PLA2G12A: variants seen among roughly 807,000 people sequenced by gnomAD.
The protein encoded by PLA2G12A is phospholipase A2 group XIIA, also known as group XIIA secretory phospholipase A2.
In PLA2G12A, 11 loss-of-function variants were observed where a neutral mutation model predicts 16.0. That is an observed-to-expected ratio of 0.69 (90% CI 0.43 to 1.13). The LOEUF (loss-of-function observed/expected upper bound fraction) is 1.13. Ranked by LOEUF, PLA2G12A falls within the 50% of genes most tolerant of loss-of-function variation. The pLI is 0.00. For missense variants in PLA2G12A, 214 were observed against 237.3 expected, an observed-to-expected ratio of 0.90 and a Z score of 0.65; for synonymous variants, 77 against 93.8, an observed-to-expected ratio of 0.82 and a Z score of 1.03.
At chr4:109,722,755 C>T (rs1355893199) in intron 1 of PLA2G12A, among the ~76,000 whole-genome samples, 1 of 152,210 alleles carries the variant, frequency 6.6e-6, no homozygotes, top group Admixed American at 6.5e-5. Flanking sequence ...GCACATATGA[C>T]CTTCTAACAT....
rs376897037 is a variant in PLA2G12A at position 109,714,366 on chromosome 4, C to T, written c.*11G>A. The T allele has an allele frequency of 3.0e-5, 46 of 1,534,842 alleles. No individual in the cohort carries two copies. The highest frequency in any genetic ancestry group is 3.7e-5 in the Non-Finnish European group (41 of 1,107,976). On this transcript the variant is annotated 3_prime_UTR_variant, in exon 4 of 4. Coordinates refer to ENST00000243501, the MANE Select transcript of PLA2G12A (RefSeq NM_030821.5). Reference sequence around the variant, plus strand: ...TCCATCTTCATCTGTCACTAGCTGTCGGCATCTCCTTTAAAGATCAGTTTT... The same window carrying T: ...TCCATCTTCATCTGTCACTAGCTGTTGGCATCTCCTTTAAAGATCAGTTTT...
intron 3 of PLA2G12A, among the ~76,000 whole-genome samples, chr4:109,716,705 T>C (rs1730834501): frequency 1.3e-5 from 2 of 152,176 alleles, no homozygotes; most frequent in East Asian, 3.8e-4. Context: ...CTCTTCACCA[T>C]AATACCTCAT....
Position 109,712,398 on chromosome 4 carries a change from G to A in PLA2G12A, c.*1979C>T, listed in dbSNP as rs545514089. ...GTGATCACGAATTATATTTTATAAC[G>A]ATATTGAGTTTGTCCTTTTGAGAAA... is the stretch of plus-strand genomic sequence containing the variant. On this transcript the variant is annotated 3_prime_UTR_variant, in exon 4 of 4. Coordinates refer to ENST00000243501, the MANE Select transcript of PLA2G12A (RefSeq NM_030821.5). The A allele has an allele frequency of 4.4e-4, 67 of 151,926 alleles. 1 individual carries two copies. The highest frequency in any genetic ancestry group is 1.5e-3 in the African/African-American group (63 of 41,410). 9.4% of individuals were successfully genotyped at this position (151,926 alleles called of 1,614,324 possible).
At chr4:109,728,986 TAA>T (rs1722990203) in intron 1 of PLA2G12A, among the ~76,000 whole-genome samples, 1 of 151,986 alleles carries the variant, frequency 6.6e-6, no homozygotes, top group South Asian at 2.1e-4. Flanking sequence ...CAAAAAATAT[TAA>T]AAGAGTAAAT....
intron 3 of PLA2G12A, 69 bp from the exon 4 acceptor site, chr4:109,714,564 C>A (rs1321777095): frequency 2.0e-6 from 2 of 999,904 alleles, no homozygotes; most frequent in Non-Finnish European, 3.2e-6. Flanking sequence ...TTACACATTA[C>A]AGCACAGCAA....
chr4:109,726,760 A>G (rs1722948614), intron 1 of PLA2G12A, among the ~76,000 whole-genome samples: 1 of 152,186 alleles, frequency 6.6e-6, no homozygotes, highest in Non-Finnish European at 1.5e-5. Flanking sequence ...GAAGAAAATA[A>G]CGGATCATCA....
At position 109,719,558 on chromosome 4, in the gene PLA2G12A, G is replaced by A. The variant is rs118033831; in HGVS notation, c.209-799C>T. Among the ~76,000 whole-genome samples the A allele has an allele frequency of 8.8e-3, 1,344 of 152,194 alleles. 52 individuals are homozygous for A. Among genetic ancestry groups the A allele is most frequent in the East Asian group, 0.084 (433 of 5,182 alleles). On this transcript the variant is annotated intron_variant, in intron 1 of 3. Transcript: ENST00000243501. ...TATCATAGCAATCTTAAATTTTGGA[G>A]GGTACTTCAGAAACACCTCACCTCA...
At chr4:109,727,711 G>A (rs1208853561) in intron 1 of PLA2G12A, among the ~76,000 whole-genome samples, 16 of 152,134 alleles carry the variant, frequency 1.1e-4, no homozygotes. Flanking sequence ...TGAGGCAGGA[G>A]AATTGCTTGA....
chr4:109,711,067 T>TG lies in PLA2G12A; in HGVS notation c.*3309_*3310insC, dbSNP rs1200436269. On this transcript the variant is annotated 3_prime_UTR_variant, in exon 4 of 4. Transcript: ENST00000243501. ...TTAGTTCTTGCCTTTTTTTTTTTTT[T>TG]TTTTTTTTTGCTCTTTTAATGAGTT... is the stretch of plus-strand genomic sequence containing the variant. 6.7e-6 allele frequency: 1 copy of TG among 149,692 alleles called. No individual in the cohort carries two copies. The highest frequency in any genetic ancestry group is 1.9e-4 in the East Asian group (1 of 5,162). The allele number at this position is 149,692 out of a possible 1,614,324, so 9.3% of individuals were successfully genotyped here.
In PLA2G12A at chr4:109,714,391, T is replaced by C; in HGVS notation, c.556A>G (p.Lys186Glu). 6.2e-7 allele frequency: 1 copy of C among 1,612,092 alleles called. No individual in the cohort carries two copies. The highest frequency in any genetic ancestry group is 2.2e-5 in the East Asian group (1 of 44,876). The change falls in exon 4 of 4, where the codon AAA becomes GAA. Residue 186 changes from lysine (K) to glutamate (E), a missense_variant. Lys to Glu is a moderately conservative substitution (Grantham distance 56). Coordinates refer to ENST00000243501, the MANE Select transcript of PLA2G12A (RefSeq NM_030821.5). ...CGGCATCTCCTTTAAAGATCAGTTT[T>C]TTCTTCATAATGACACCTGCATGCG... ...RAACRCHYEEKTDL is the reference protein window; with the variant it reads ...RAACRCHYEEETDL
intron 3 of PLA2G12A, among the ~76,000 whole-genome samples, chr4:109,715,821 T>TGAAAG (rs1561270477): frequency 1.3e-5 from 2 of 152,206 alleles, no homozygotes; most frequent in Admixed American, 6.5e-5. Flanking sequence ...AGGTAATTTA[T>TGAAAG]TTACTTTTCT....
chr4:109,725,873 C>T (rs1722925085), intron 1 of PLA2G12A, among the ~76,000 whole-genome samples: 1 of 152,184 alleles, frequency 6.6e-6, no homozygotes, highest in South Asian at 2.1e-4. Context: ...CCAACCTGCA[C>T]TCCCAAACAC....
At chr4:109,729,282 A>G (rs1302544915) in intron 1 of PLA2G12A, among the ~76,000 whole-genome samples, 3 of 149,230 alleles carry the variant, frequency 2.0e-5, no homozygotes, top group African/African-American at 7.3e-5. Flanking sequence ...CTCTATTCCC[A>G]TGATTCCTAC....
At position 109,714,214 on chromosome 4, in the gene PLA2G12A, C is replaced by T. The variant is rs553696289; in HGVS notation, c.*163G>A. ...CGTGCCCTCCCCTCACTATCTCCCTCACTTTTTTTGCTTTGAGGTTTTAAC... is the reference window on the plus strand; with the variant it reads ...CGTGCCCTCCCCTCACTATCTCCCTTACTTTTTTTGCTTTGAGGTTTTAAC... On this transcript the variant is annotated 3_prime_UTR_variant, in exon 4 of 4. Coordinates refer to ENST00000243501, the MANE Select transcript of PLA2G12A (RefSeq NM_030821.5). 195 of 647,046 alleles carry T rather than the reference C, an allele frequency of 3.0e-4. 4 individuals carry two copies. The South Asian group carries it at 3.6e-3, about 12-fold the overall frequency. 40.1% of individuals were successfully genotyped at this position (647,046 alleles called of 1,614,324 possible). A position where few individuals can be genotyped will look rare whatever the true frequency, so the allele number is the denominator to read the frequency against.
At position 109,729,677 on chromosome 4, in the gene PLA2G12A, T is replaced by C; in HGVS notation, c.133A>G (p.Ile45Val). ...LKTIRNGVHK[I>V]DTYLNAALDL... ...AAGGCGGCGTTCAGGTACGTGTCTA[T>C]CTTATGAACGCCGTTCCGGATGGTC... The change falls in exon 1 of 4, where the codon ATA (isoleucine) becomes GTA (valine). Residue 45 changes from isoleucine to valine, a missense_variant. Ile to Val is a conservative substitution (Grantham distance 29, BLOSUM62 3). Transcript: ENST00000243501. 3 of 1,611,780 alleles carry C rather than the reference T, an allele frequency of 1.9e-6. No homozygotes were observed. The highest frequency in any genetic ancestry group is 2.5e-6 in the Non-Finnish European group (3 of 1,179,778).
At chr4:109,722,284 T>G (rs1722798101) in intron 1 of PLA2G12A, among the ~76,000 whole-genome samples, 1 of 152,236 alleles carries the variant, frequency 6.6e-6, no homozygotes, top group Non-Finnish European at 1.5e-5. Context: ...CCAGGGCCTT[T>G]GAACCTGCTC....
chr4:109,724,969 T>C (rs565662037), intron 1 of PLA2G12A, among the ~76,000 whole-genome samples: 1 of 152,346 alleles, frequency 6.6e-6, no homozygotes, highest in East Asian at 1.9e-4. Context: ...TCTTTAGTTT[T>C]TTTCAAGGCA....
At position 109,714,175 on chromosome 4, in the gene PLA2G12A, C is replaced by T. The variant is rs1730786373; in HGVS notation, c.*202G>A. On this transcript the variant is annotated 3_prime_UTR_variant, in exon 4 of 4. Coordinates refer to ENST00000243501, the MANE Select transcript of PLA2G12A (RefSeq NM_030821.5). ...TAAGGGAGCAATGCTGGGGAAGATA[C>T]CTGAGAAGACAAGCGTGCCCTCCCC... The T allele has an allele frequency of 8.8e-6, 5 of 566,168 alleles. No homozygotes were observed. The highest frequency in any genetic ancestry group is 9.5e-6 in the Non-Finnish European group (3 of 315,442). The allele number at this position is 566,168 out of a possible 1,614,324, so 35.1% of individuals were successfully genotyped here.
Position 109,712,978 on chromosome 4 carries a change from G to A in PLA2G12A, c.*1399C>T, listed in dbSNP as rs1183796613. The A allele has an allele frequency of 6.6e-6, 1 of 152,208 alleles. No individual in the cohort carries two copies. Among genetic ancestry groups the A allele is most frequent in the African/African-American group, 2.4e-5 (1 of 41,434 alleles). The allele number at this position is 152,208 out of a possible 1,614,324, so 9.4% of individuals were successfully genotyped here. A position where few individuals can be genotyped will look rare whatever the true frequency, so the allele number is the denominator to read the frequency against. The stretch of plus-strand genomic sequence containing the variant: ...CACCAATTCAAGTTGGAAGATACTA[G>A]GTTCCCGGCAATGACATATCTCCAA... On this transcript the variant is annotated 3_prime_UTR_variant, in exon 4 of 4. Transcript: ENST00000243501.
Sources: allele counts gnomAD v4.1 joint callset (sites outside exome capture counted in the v4.1 genomes callset), GRCh38; gene constraint gnomAD v4.1.1; transcripts MANE v1.5; gene names NCBI Gene and HGNC (gene_info 2026-07-23, HGNC 2026-07-21).